LMO7: variants seen among roughly 807,000 people sequenced by gnomAD.
LMO7 encodes LIM domain 7, also known as LIM domain only protein 7.
A neutral mutation model predicts 206.5 loss-of-function variants in LMO7; 120 were observed. That is an observed-to-expected ratio of 0.58 (90% CI 0.50 to 0.68). LMO7 has a LOEUF of 0.68. LMO7 is among the 30% of genes least tolerant of loss of function. The pLI, the probability that LMO7 is intolerant of heterozygous loss-of-function variation, is 0.00. For synonymous variants in LMO7, 706 were observed against 681.5 expected (o/e 1.04, Z -0.56); for missense variants, 1,959 against 1,957.9 (o/e 1.00, Z -0.01).
At position 75,796,536 on chromosome 13, in the gene LMO7, A is replaced by G. The variant is rs114848593; in HGVS notation, c.349-100A>G. The G allele has an allele frequency of 1.8e-3, 1,138 of 647,688 alleles. 12 individuals are homozygous for G. The African/African-American group carries it at 0.019, about 11-fold the overall frequency. 40.1% of individuals were successfully genotyped at this position (647,688 alleles called of 1,614,324 possible). On this transcript the variant is annotated intron_variant, in intron 5 of 30. Coordinates refer to ENST00000377534, the MANE Select transcript of LMO7 (RefSeq NM_001306080.2). Reference sequence around the variant, plus strand: ...AAGTCTACTTTTCACTTACAGAGTAATATGTGCTATCATTTATCTACAGTA... The same window carrying G: ...AAGTCTACTTTTCACTTACAGAGTAGTATGTGCTATCATTTATCTACAGTA...
In LMO7 at chr13:75,683,079, GA is replaced by G. The variant is rs549786965; in HGVS notation, c.70-30102del. Among the ~76,000 whole-genome samples the G allele has an allele frequency of 9.5e-3, 793 of 83,416 alleles. 15 individuals are homozygous for G. Among genetic ancestry groups the G allele is most frequent in the African/African-American group, 0.035 (740 of 21,390 alleles). The allele number at this position is 83,416 out of a possible 152,430, so 54.7% of individuals were successfully genotyped here. On this transcript the variant is annotated intron_variant, in intron 1 of 30. Transcript: ENST00000377534. ...CTTTTTTTTTCTTTTTTTTTTTTTT[GA>G]GATGGAGTTCTGCTCTGTTGCCCAG...
In LMO7 at chr13:75,717,496, T is replaced by A. The variant is rs372099168; in HGVS notation, c.140+4244T>A. ...TCACCCCTATCGGTGTTCCTATTTG[T>A]ATCAGCCATGTGACCACAACAGTAT... is the stretch of plus-strand genomic sequence containing the variant. On this transcript the variant is annotated intron_variant, in intron 2 of 30. Transcript: ENST00000377534. 3.3e-5 allele frequency among the ~76,000 whole-genome samples: 5 copies of A among 151,998 alleles called. No individual in the cohort carries two copies. In the East Asian group the frequency reaches 5.8e-4, roughly 18 times the overall value.
chr13:75,796,817 CTTCT>C, intron 6 of LMO7, 68 bp downstream of exon 6: 2 of 935,088 alleles, frequency 2.1e-6, no homozygotes, highest in Admixed American at 3.8e-5. Context: ...TTCCTCCTCT[CTTCT>C]TTTTCTTCTC....
rs377232630 is a variant in LMO7, at chr13:75,765,400, C to T, written c.317+4362C>T. ...TTTTTTTTTTTTTAAGCAAGCTTAA[C>T]GATATCCAAACTTGGATCTGCAACT... On this transcript the variant is annotated intron_variant, in intron 4 of 30. Coordinates refer to ENST00000377534, the MANE Select transcript of LMO7 (RefSeq NM_001306080.2). Among the ~76,000 whole-genome samples the T allele has an allele frequency of 2.4e-4, 33 of 135,718 alleles. No individual in the cohort carries two copies. The East Asian group carries it at 4.8e-3, about 20-fold the overall frequency. 89.0% of individuals were successfully genotyped at this position (135,718 alleles called of 152,430 possible). A position where few individuals can be genotyped will look rare whatever the true frequency, so the allele number is the denominator to read the frequency against.
chr13:75,704,174 G>T (rs529203707), intron 1 of LMO7, among the ~76,000 whole-genome samples: 3 of 152,212 alleles, frequency 2.0e-5, no homozygotes, highest in African/African-American at 7.2e-5. Flanking sequence ...TTCTCCCTGC[G>T]GAAAAATGCC....
chr13:75,838,123 A>ATTTTTTT lies in LMO7; in HGVS notation c.3395-14_3395-8dup. ...AATAAAAATGAATGACATAGTGTTT[A>ATTTTTTT]TTTTTTTTTCAACTAGCATCTGAAT... On this transcript the variant is annotated splice_polypyrimidine_tract_variant and intron_variant, in intron 19 of 30. Coordinates refer to ENST00000377534, the MANE Select transcript of LMO7 (RefSeq NM_001306080.2). The ATTTTTTT allele has an allele frequency of 6.9e-7, 1 of 1,451,076 alleles. No individual in the cohort carries two copies. The highest frequency in any genetic ancestry group is 1.2e-5 in the South Asian group (1 of 86,578). 89.9% of individuals were successfully genotyped at this position (1,451,076 alleles called of 1,614,324 possible).
At chr13:75,777,270 CTG>C (rs1157792964) in intron 4 of LMO7, among the ~76,000 whole-genome samples, 7 of 152,212 alleles carry the variant, frequency 4.6e-5, no homozygotes, top group Non-Finnish European at 8.8e-5. Context: ...ATTTAGGAAT[CTG>C]TATAAAATAA....
At chr13:75,818,982 G>A (rs556558396) in intron 12 of LMO7, among the ~76,000 whole-genome samples, 49 of 152,182 alleles carry the variant, frequency 3.2e-4, no homozygotes, top group Non-Finnish European at 5.9e-4. Flanking sequence ...ATGCATCTGC[G>A]CGTAACCATC....
chr13:75,683,233 C>T (rs2040701047), intron 1 of LMO7, among the ~76,000 whole-genome samples: 1 of 152,146 alleles, frequency 6.6e-6, no homozygotes, highest in East Asian at 1.9e-4. Context: ...AAATCCAGTT[C>T]ATCTCTTTTC....
intron 20 of LMO7, 54 bp downstream of exon 20, chr13:75,838,250 C>T: frequency 6.6e-7 from 1 of 1,524,348 alleles, no homozygotes; most frequent in South Asian, 1.1e-5. Context: ...TCTCCCTCTC[C>T]ACTCTTCCTC....
Position 75,647,951 on chromosome 13 carries a change from C to CTTTTTTTTTTTTTTTTTTTTTTTTTT in LMO7, c.69+11243_69+11244insTTTTTTTTTTTTTTTTTTTTTTTTTT, listed in dbSNP as rs570513211. Reference sequence around the variant, plus strand: ...GATTTTCTCTTGTTTTCTTTTCTTTCTTTTTTTTTTTTTTTTTTGAGACAG... The same window carrying CTTTTTTTTTTTTTTTTTTTTTTTTTT: ...GATTTTCTCTTGTTTTCTTTTCTTTCTTTTTTTTTTTTTTTTTTTTTTTTTTTTTTTTTTTTTTTTTTTTGAGACAG... On this transcript the variant is annotated intron_variant, in intron 1 of 30. Transcript: ENST00000377534. Among the ~76,000 whole-genome samples the CTTTTTTTTTTTTTTTTTTTTTTTTTT allele has an allele frequency of 2.7e-4, 25 of 91,146 alleles. 1 individual carries two copies. The highest frequency in any genetic ancestry group is 1.2e-3 in the East Asian group (3 of 2,606). 59.8% of individuals were successfully genotyped at this position (91,146 alleles called of 152,430 possible).
chr13:75,716,270 G>C (rs1388797593), intron 2 of LMO7, among the ~76,000 whole-genome samples: 1 of 152,194 alleles, frequency 6.6e-6, no homozygotes, highest in African/African-American at 2.4e-5. Flanking sequence ...AATTGGAAGT[G>C]TACTGACATT....
chr13:75,838,279 C>T, intron 20 of LMO7, 83 bp downstream of exon 20: 1 of 1,508,904 alleles, frequency 6.6e-7, no homozygotes, highest in East Asian at 2.3e-5. Context: ...TGGTGCTGGG[C>T]ACTGAGCCTC....
intron 12 of LMO7, among the ~76,000 whole-genome samples, chr13:75,818,598 G>T (rs2057283906): frequency 6.6e-6 from 1 of 152,138 alleles, no homozygotes; most frequent in African/African-American, 2.4e-5. Flanking sequence ...ACCCAGCAAG[G>T]TTAGGCTTAA....
At chr13:75,683,759 A>G (rs1197743540) in intron 1 of LMO7, among the ~76,000 whole-genome samples, 2 of 152,188 alleles carry the variant, frequency 1.3e-5, no homozygotes, top group African/African-American at 4.8e-5. Flanking sequence ...AATACATGTA[A>G]GATTTACATT....
intron 1 of LMO7, among the ~76,000 whole-genome samples, chr13:75,660,803 C>T (rs2038516458): frequency 6.6e-6 from 1 of 152,034 alleles, no homozygotes; most frequent in African/African-American, 2.4e-5. Flanking sequence ...GAAACCCGGT[C>T]CCTTGAGTCT....
chr13:75,858,023 G>T lies in LMO7; in HGVS notation c.*80G>T. The T allele has an allele frequency of 6.5e-7, 1 of 1,543,564 alleles. No individual in the cohort carries two copies. Among genetic ancestry groups the T allele is most frequent in the Non-Finnish European group, 8.8e-7 (1 of 1,140,162 alleles). ...TCATGTAGATCTATAAATATGTGTTGTATGTCTTTTTTGCTTTTTTTTTAA... is the reference window on the plus strand; with the variant it reads ...TCATGTAGATCTATAAATATGTGTTTTATGTCTTTTTTGCTTTTTTTTTAA... On this transcript the variant is annotated 3_prime_UTR_variant, in exon 31 of 31. Transcript: ENST00000377534.
chr13:75,804,463 A>C lies in LMO7; in HGVS notation c.836A>C (p.Lys279Thr). The C allele has an allele frequency of 6.2e-7, 1 of 1,614,212 alleles. No homozygotes were observed. Reference sequence around the variant, plus strand: ...TATGTACCAGCACCTCTGAGAAAGAAAAAGCCAGACAAACATGAGGATAAC... The same window carrying C: ...TATGTACCAGCACCTCTGAGAAAGACAAAGCCAGACAAACATGAGGATAAC... The part of the protein sequence containing the change: ...PSYVPAPLRK[K>T]KPDKHEDNRR... The change falls in exon 8 of 31, where the codon AAA (lysine) becomes ACA (threonine). Residue 279 changes from lysine (K) to threonine (T), a missense_variant. Lys to Thr is a moderately conservative substitution (Grantham distance 78). Coordinates refer to ENST00000377534, the MANE Select transcript of LMO7 (RefSeq NM_001306080.2).
At chr13:75,672,133 C>T (rs1342152253) in intron 1 of LMO7, among the ~76,000 whole-genome samples, 3 of 151,942 alleles carry the variant, frequency 2.0e-5, no homozygotes, top group Non-Finnish European at 4.4e-5. Context: ...CCTGCAGATA[C>T]AGAGAGCCGG....
Sources: allele counts gnomAD v4.1 joint callset (sites outside exome capture counted in the v4.1 genomes callset), GRCh38; gene constraint gnomAD v4.1.1; transcripts MANE v1.5; gene names NCBI Gene and HGNC (gene_info 2026-07-23, HGNC 2026-07-21).